GNAQ: variants seen among roughly 807,000 people sequenced by gnomAD.
GNAQ encodes guanine nucleotide-binding protein G(q) subunit alpha.
In GNAQ, 8 loss-of-function variants were observed where a neutral mutation model predicts 43.9. The ratio of observed to expected loss-of-function variants is 0.18; its 90% CI spans 0.11 to 0.33. GNAQ has a LOEUF of 0.33. Among genes scored for constraint, GNAQ ranks in the 10% least tolerant of loss-of-function variants. The pLI is 1.00. For synonymous variants in GNAQ, 155 were observed against 170.7 expected (o/e 0.91, Z 0.71); for missense variants, 158 against 450.8 (o/e 0.35, Z 5.88).
intron 1 of GNAQ, among the ~76,000 whole-genome samples, chr9:78,011,608 G>A (rs1272438612): frequency 6.6e-6 from 1 of 152,082 alleles, no homozygotes; most frequent in Non-Finnish European, 1.5e-5. Flanking sequence ...GAAATAAGGA[G>A]AAAAAACAAT....
chr9:77,843,324 A>C (rs1008251143), intron 2 of GNAQ, among the ~76,000 whole-genome samples: 1 of 152,204 alleles, frequency 6.6e-6, no homozygotes, highest in Non-Finnish European at 1.5e-5. Context: ...GACAGCAAGG[A>C]GGCTGCAGAG....
At chr9:77,839,038 C>T (rs1402335240) in intron 2 of GNAQ, among the ~76,000 whole-genome samples, 2 of 152,222 alleles carry the variant, frequency 1.3e-5, no homozygotes, top group East Asian at 1.9e-4. Context: ...CTTTGGGGTC[C>T]ATACTGGCTG....
chr9:77,761,936 G>A (rs1486900664), intron 5 of GNAQ, among the ~76,000 whole-genome samples: 5 of 132,776 alleles, frequency 3.8e-5, no homozygotes, highest in East Asian at 2.5e-4. Context: ...CGCCCCGTCC[G>A]GGAGGGAGGT....
chr9:77,828,943 C>A (rs1486781584), intron 2 of GNAQ, among the ~76,000 whole-genome samples: 1 of 152,104 alleles, frequency 6.6e-6, no homozygotes, highest in East Asian at 1.9e-4. Context: ...AATATTTAAC[C>A]AGTGGTATGG....
chr9:77,869,317 G>A (rs1268836113), intron 2 of GNAQ, among the ~76,000 whole-genome samples: 1 of 152,082 alleles, frequency 6.6e-6, no homozygotes, highest in Admixed American at 6.5e-5. Flanking sequence ...TTTCATTTCA[G>A]TGGAAAAAAC....
At position 77,789,627 on chromosome 9, in the gene GNAQ, C is replaced by A. The variant is rs562825416; in HGVS notation, c.735+4836G>T. On this transcript the variant is annotated intron_variant, in intron 5 of 6. Transcript: ENST00000286548. ...TTTTGCAGAGGGGTGAATAACCATCCAAATAATAATTTTATATTCATAATT... is the reference window on the plus strand; with the variant it reads ...TTTTGCAGAGGGGTGAATAACCATCAAAATAATAATTTTATATTCATAATT... 3.2e-4 allele frequency among the ~76,000 whole-genome samples: 49 copies of A among 152,024 alleles called. 1 individual carries two copies. The South Asian group carries it at 1.0e-2, about 31-fold the overall frequency.
intron 6 of GNAQ, among the ~76,000 whole-genome samples, chr9:77,725,875 C>A (rs960083520): frequency 6.6e-6 from 1 of 152,196 alleles, no homozygotes; most frequent in Non-Finnish European, 1.5e-5. Context: ...GGGCACCATG[C>A]TCTATCTGTT....
intron 3 of GNAQ, among the ~76,000 whole-genome samples, chr9:77,811,408 G>A (rs1826921668): frequency 6.6e-6 from 1 of 152,022 alleles, no homozygotes; most frequent in East Asian, 1.9e-4. Flanking sequence ...AGATGCACTA[G>A]GGGAATATAC....
chr9:77,832,562 A>G (rs1827316594), intron 2 of GNAQ, among the ~76,000 whole-genome samples: 1 of 152,238 alleles, frequency 6.6e-6, no homozygotes, highest in South Asian at 2.1e-4. Context: ...AAAGCACCAA[A>G]GAAAACCCTA....
At chr9:77,983,305 G>A (rs926157067) in intron 1 of GNAQ, among the ~76,000 whole-genome samples, 5 of 152,208 alleles carry the variant, frequency 3.3e-5, no homozygotes, top group Admixed American at 1.3e-4. Flanking sequence ...TTTTAGGTAA[G>A]AGGGCTGACC....
intron 2 of GNAQ, among the ~76,000 whole-genome samples, chr9:77,910,701 T>C (rs1828786970): frequency 6.6e-6 from 1 of 152,156 alleles, no homozygotes; most frequent in Non-Finnish European, 1.5e-5. Context: ...TAGCAAACAT[T>C]TGTTGAATGA....
chr9:77,862,395 G>A (rs1249520121), intron 2 of GNAQ, among the ~76,000 whole-genome samples: 4 of 152,180 alleles, frequency 2.6e-5, no homozygotes, highest in Non-Finnish European at 4.4e-5. Context: ...TCTAGGTGGA[G>A]GTTCCCAAAC....
At chr9:77,855,920 A>G (rs1211164785) in intron 2 of GNAQ, among the ~76,000 whole-genome samples, 1 of 152,212 alleles carries the variant, frequency 6.6e-6, no homozygotes, top group African/African-American at 2.4e-5. Context: ...TGGTTAATGT[A>G]TATGTATCTA....
At chr9:77,732,074 G>A (rs1305167081) in intron 5 of GNAQ, among the ~76,000 whole-genome samples, 7 of 152,124 alleles carry the variant, frequency 4.6e-5, no homozygotes, top group Admixed American at 1.3e-4. Context: ...GTAGTGGAAC[G>A]TGCAGAGTGT....
chr9:78,014,381 T>C (rs1294606979), intron 1 of GNAQ, among the ~76,000 whole-genome samples: 1 of 152,106 alleles, frequency 6.6e-6, no homozygotes, highest in Non-Finnish European at 1.5e-5. Context: ...TCCCAACATT[T>C]TGGCAGGCCT....
intron 5 of GNAQ, among the ~76,000 whole-genome samples, chr9:77,763,430 A>G (rs1826086652): frequency 6.6e-6 from 1 of 152,210 alleles, no homozygotes; most frequent in Non-Finnish European, 1.5e-5. Context: ...ATTCAAGACC[A>G]GCTGGGCAAC....
chr9:77,926,383 G>C (rs1464473812), intron 1 of GNAQ, among the ~76,000 whole-genome samples: 4 of 152,050 alleles, frequency 2.6e-5, no homozygotes, highest in African/African-American at 9.7e-5. Context: ...AAAACTGTAA[G>C]AGACTTCACA....
At chr9:77,943,956 A>C (rs972187361) in intron 1 of GNAQ, among the ~76,000 whole-genome samples, 4 of 152,128 alleles carry the variant, frequency 2.6e-5, no homozygotes, top group Admixed American at 2.0e-4. Context: ...CGTGAGACAC[A>C]GTGCCTAGCC....
intron 1 of GNAQ, among the ~76,000 whole-genome samples, chr9:78,013,831 C>T (rs773276437): frequency 6.6e-6 from 1 of 152,092 alleles, no homozygotes; most frequent in Non-Finnish European, 1.5e-5. Context: ...CATAGCCATA[C>T]TCATTTATTA....
Sources: gnomAD v4.1 joint callset for allele counts (sites outside exome capture counted in the v4.1 genomes callset) on GRCh38, gnomAD v4.1.1 for gene constraint, MANE v1.5 for transcripts, NCBI Gene and HGNC (gene_info 2026-07-23, HGNC 2026-07-21) for gene names.